RRP1B: variants seen among roughly 807,000 people sequenced by gnomAD.
The protein encoded by RRP1B is ribosomal RNA processing 1B, also known as ribosomal RNA processing protein 1 homolog B.
In RRP1B, 56 loss-of-function variants were observed where a neutral mutation model predicts 80.2. The observed-to-expected ratio is 0.70, with a 90% CI of 0.56 to 0.87. The LOEUF (loss-of-function observed/expected upper bound fraction) is 0.87, where lower values mean the gene tolerates loss of function less well. Ranked by LOEUF, RRP1B falls within the 40% of genes least tolerant of loss-of-function variation. The pLI, the probability that RRP1B is intolerant of heterozygous loss-of-function variation, is 0.00. For missense variants in RRP1B, 807 were observed against 939.8 expected (o/e 0.86, Z 1.85); for synonymous variants, 351 against 357.6 (o/e 0.98, Z 0.21).
chr21:43,690,793 G>A (rs1175771202), intron 14 of RRP1B, among the ~76,000 whole-genome samples: 1 of 152,222 alleles, frequency 6.6e-6, no homozygotes, highest in Non-Finnish European at 1.5e-5. Context: ...GTGGGTCAGA[G>A]CAGGAACTTG....
chr21:43,663,685 G>A (rs2082967117), intron 1 of RRP1B, among the ~76,000 whole-genome samples: 1 of 152,030 alleles, frequency 6.6e-6, no homozygotes, highest in African/African-American at 2.4e-5. Context: ...AGCTTCCCAA[G>A]TAGCTGGGAC....
At chr21:43,684,225 T>C (rs1291651989) in intron 9 of RRP1B, among the ~76,000 whole-genome samples, 1 of 151,376 alleles carries the variant, frequency 6.6e-6, no homozygotes, top group East Asian at 2.0e-4. Flanking sequence ...GCGCCCGCCA[T>C]CACGCCCGGC....
chr21:43,675,801 A>G (rs2083019303), intron 6 of RRP1B, among the ~76,000 whole-genome samples: 1 of 152,178 alleles, frequency 6.6e-6, no homozygotes, highest in Non-Finnish European at 1.5e-5. Flanking sequence ...ATGTGGCCCA[A>G]CACAAATTTA....
chr21:43,682,322 C>T (rs1240398658), intron 8 of RRP1B, among the ~76,000 whole-genome samples: 1 of 152,150 alleles, frequency 6.6e-6, no homozygotes, highest in Non-Finnish European at 1.5e-5. Flanking sequence ...TGCGCCTGCC[C>T]CATCCTCCCC....
At chr21:43,688,989 C>G (rs1278712841) in intron 13 of RRP1B, among the ~76,000 whole-genome samples, 1 of 152,220 alleles carries the variant, frequency 6.6e-6, no homozygotes, top group Admixed American at 6.5e-5. Context: ...AGAGTTTTGC[C>G]TTGTTGCCCA....
At chr21:43,678,267 C>A (rs2147169220) in intron 8 of RRP1B, among the ~76,000 whole-genome samples, 1 of 152,276 alleles carries the variant, frequency 6.6e-6, no homozygotes, top group South Asian at 2.1e-4. Context: ...TCAAGCAATT[C>A]TCTTGCCTCA....
In RRP1B at chr21:43,695,682, G is replaced by T. The variant is rs2083104576; in HGVS notation, c.*2299G>T. 1 of 152,162 alleles carries T rather than the reference G, an allele frequency of 6.6e-6. No individual in the cohort carries two copies. Among genetic ancestry groups the T allele is most frequent in the African/African-American group, 2.4e-5 (1 of 41,440 alleles). The allele number at this position is 152,162 out of a possible 1,614,324, so 9.4% of individuals were successfully genotyped here. A position where few individuals can be genotyped will look rare whatever the true frequency, so the allele number is the denominator to read the frequency against. The stretch of plus-strand genomic sequence containing the variant: ...CTATTTACGCATGATATTTTCCTAA[G>T]TAAAATTGCCAAGTGGACTTGGAAG... On this transcript the variant is annotated 3_prime_UTR_variant, in exon 16 of 16. Transcript: ENST00000340648.
At position 43,695,843 on chromosome 21, in the gene RRP1B, A is replaced by G. The variant is rs2083105102; in HGVS notation, c.*2460A>G. The G allele has an allele frequency of 6.6e-6, 1 of 152,214 alleles. No individual in the cohort carries two copies. The highest frequency in any genetic ancestry group is 2.1e-4 in the South Asian group (1 of 4,832). 9.4% of individuals were successfully genotyped at this position (152,214 alleles called of 1,614,324 possible). A position where few individuals can be genotyped will look rare whatever the true frequency, so the allele number is the denominator to read the frequency against. On this transcript the variant is annotated 3_prime_UTR_variant, in exon 16 of 16. Coordinates refer to ENST00000340648, the MANE Select transcript of RRP1B (RefSeq NM_015056.3). ...ACTTTACAAGTTTGTTATCCTTTCT[A>G]ATTTTTACTGAACTGAAAGCACAAA...
Position 43,690,386 on chromosome 21 carries a change from C to T in RRP1B, c.1965C>T (p.Phe655=), listed in dbSNP as rs762644747. 38 of 1,614,220 alleles carry T rather than the reference C, an allele frequency of 2.4e-5. No homozygotes were observed. The Middle Eastern group carries it at 4.9e-4, about 21-fold the overall frequency. ...FDTPFLPKPL[F]FRRAKSSTAT... ...CCCCCTTCTTACCAAAGCCCCTGTT[C>T]TTCAGAAGAGCCAAGAGCAGCACTG... Residue 655 remains phenylalanine, a synonymous_variant, in exon 14 of 16, where the codon TTC becomes TTT. Coordinates refer to ENST00000340648, the MANE Select transcript of RRP1B (RefSeq NM_015056.3).
At chr21:43,679,650 T>C (rs1031630378) in intron 8 of RRP1B, among the ~76,000 whole-genome samples, 1 of 152,206 alleles carries the variant, frequency 6.6e-6, no homozygotes, top group Admixed American at 6.5e-5. Flanking sequence ...TTTAGGATTG[T>C]TTTTTCTAGT....
intron 1 of RRP1B, among the ~76,000 whole-genome samples, chr21:43,667,292 T>C (rs2082982121): frequency 6.6e-6 from 1 of 152,160 alleles, no homozygotes; most frequent in African/African-American, 2.4e-5. Flanking sequence ...AGTGGCACGA[T>C]TATAGCTTAC....
chr21:43,670,149 T>C (rs138334275), intron 2 of RRP1B, among the ~76,000 whole-genome samples, 183 bp downstream of exon 2: 70 of 152,368 alleles, frequency 4.6e-4, no homozygotes, highest in African/African-American at 1.7e-3. Flanking sequence ...GTTAGGTGAA[T>C]TGTCTTTTCA....
At chr21:43,685,834 A>G (rs370044752) in intron 11 of RRP1B, 45 bp downstream of exon 11, 13 of 1,582,566 alleles carry the variant, frequency 8.2e-6, no homozygotes, top group Non-Finnish European at 1.1e-5. Context: ...TTTCGTGAAT[A>G]TGGACCCCAC....
At position 43,675,122 on chromosome 21, in the gene RRP1B, G is replaced by A; in HGVS notation, c.508G>A (p.Asp170Asn). The change falls in exon 6 of 16, where the codon GAT (aspartate) becomes AAT (asparagine). Residue 170 changes from aspartate (D) to asparagine (N), a missense_variant. Asp to Asn is a conservative substitution (Grantham distance 23, BLOSUM62 1). Coordinates refer to ENST00000340648, the MANE Select transcript of RRP1B (RefSeq NM_015056.3). ...SPNGVRFHFI[D>N]IYLDELSKVG... ...TAATGGAGTGAGATTCCACTTCATT[G>A]ATATTTACCTGGATGAACTCTCCAA... is the stretch of plus-strand genomic sequence containing the variant. The A allele has an allele frequency of 6.2e-7, 1 of 1,613,892 alleles. No homozygotes were observed. Among genetic ancestry groups the A allele is most frequent in the Non-Finnish European group, 8.5e-7 (1 of 1,179,814 alleles).
intron 2 of RRP1B, among the ~76,000 whole-genome samples, chr21:43,671,591 C>T (rs1444219857): frequency 6.6e-6 from 1 of 152,010 alleles, no homozygotes; most frequent in Non-Finnish European, 1.5e-5. Context: ...TGGCGTTGAA[C>T]TCCTGGACTC....
At position 43,683,387 on chromosome 21, in the gene RRP1B, G is replaced by A; in HGVS notation, c.891+14G>A. The A allele has an allele frequency of 1.9e-6, 3 of 1,603,302 alleles. No individual in the cohort carries two copies. The highest frequency in any genetic ancestry group is 1.7e-6 in the Non-Finnish European group (2 of 1,170,284). ...CCCCTTCTCCAGGTGGGTAGCAGTT[G>A]TTGCTTTTTATAGAATATAGATTTG... On this transcript the variant is annotated intron_variant, in intron 9 of 15. Coordinates refer to ENST00000340648, the MANE Select transcript of RRP1B (RefSeq NM_015056.3).
chr21:43,669,439 G>A (rs978993531), intron 1 of RRP1B, among the ~76,000 whole-genome samples: 5 of 152,152 alleles, frequency 3.3e-5, no homozygotes, highest in Non-Finnish European at 4.4e-5. Flanking sequence ...TCTGTTCCTC[G>A]GAAGTGGGGC....
Position 43,674,617 on chromosome 21 carries a change from AAAAATT to A in RRP1B, c.358-18_358-13del, listed in dbSNP as rs1163568351. 1.4e-6 allele frequency: 2 copies of A among 1,479,878 alleles called. No homozygotes were observed. Among genetic ancestry groups the A allele is most frequent in the Non-Finnish European group, 1.8e-6 (2 of 1,108,938 alleles). 91.7% of individuals were successfully genotyped at this position (1,479,878 alleles called of 1,614,324 possible). A position where few individuals can be genotyped will look rare whatever the true frequency, so the allele number is the denominator to read the frequency against. ...TTTTTTTTTTTTTTTTTTTTTAAAC[AAAAATT>A]GCCTTTCTTTAGCTGATTCGTCTGG... On this transcript the variant is annotated splice_polypyrimidine_tract_variant and intron_variant, in intron 4 of 15. Coordinates refer to ENST00000340648, the MANE Select transcript of RRP1B (RefSeq NM_015056.3).
intron 8 of RRP1B, among the ~76,000 whole-genome samples, chr21:43,681,465 C>T (rs563597560): frequency 6.6e-6 from 1 of 151,692 alleles, no homozygotes; most frequent in Admixed American, 6.6e-5. Flanking sequence ...AAGCAATTCT[C>T]CTGCCTCAGC....
Sources: allele counts gnomAD v4.1 joint callset (sites outside exome capture counted in the v4.1 genomes callset), GRCh38; gene constraint gnomAD v4.1.1; transcripts MANE v1.5; gene names NCBI Gene and HGNC (gene_info 2026-07-23, HGNC 2026-07-21).